The following ZNF385D variants were observed in gnomAD, a reference collection of about 807,000 sequenced individuals.
ZNF385D encodes the protein zinc finger protein 659.
A neutral mutation model predicts 35.8 loss-of-function variants in ZNF385D; 15 were observed. The ratio of observed to expected loss-of-function variants is 0.42; its 90% CI spans 0.28 to 0.64. The LOEUF (loss-of-function observed/expected upper bound fraction) is 0.64, where lower values mean the gene tolerates loss of function less well. Among genes scored for constraint, ZNF385D ranks in the 30% least tolerant of loss-of-function variants. ZNF385D has a pLI of 0.23. For synonymous variants in ZNF385D, 212 were observed against 186.8 expected (o/e 1.13, Z -1.10); for missense variants, 474 against 494.6 (o/e 0.96, Z 0.39).
At chr3:22,281,568 G>A (rs190202887) in intron 2 of ZNF385D, among the ~76,000 whole-genome samples, 24 of 152,094 alleles carry the variant, frequency 1.6e-4, no homozygotes, top group Admixed American at 1.1e-3. Flanking sequence ...AACCATCCCT[G>A]CGCATCCCTT....
At chr3:22,030,297 A>ATC (rs1697907549) in intron 3 of ZNF385D, among the ~76,000 whole-genome samples, 3 of 110,184 alleles carry the variant, frequency 2.7e-5, no homozygotes, top group Admixed American at 1.8e-4. Context: ...ATATATATAT[A>ATC]TATATCCTAT....
At chr3:21,640,661 C>T (rs1369420732) in intron 2 of ZNF385D, among the ~76,000 whole-genome samples, 1 of 152,098 alleles carries the variant, frequency 6.6e-6, no homozygotes, top group African/African-American at 2.4e-5. Flanking sequence ...AATCTGCTGG[C>T]ACCTTAACCT....
chr3:22,366,292 T>C (rs368429524), intron 2 of ZNF385D, among the ~76,000 whole-genome samples: 3 of 152,234 alleles, frequency 2.0e-5, no homozygotes, highest in African/African-American at 7.2e-5. Flanking sequence ...TCTAGGGTAA[T>C]GCTATTATTT....
At chr3:21,571,174 T>C (rs954507635) in intron 2 of ZNF385D, among the ~76,000 whole-genome samples, 2 of 152,080 alleles carry the variant, frequency 1.3e-5, no homozygotes, top group Non-Finnish European at 2.9e-5. Flanking sequence ...AAGTCAATTA[T>C]GAGATATCAC....
At chr3:21,658,231 A>G (rs1304908334) in intron 2 of ZNF385D, among the ~76,000 whole-genome samples, 1 of 152,040 alleles carries the variant, frequency 6.6e-6, no homozygotes, top group Non-Finnish European at 1.5e-5. Context: ...ACTATAAAGA[A>G]TTGATTTGTA....
chr3:21,546,736 C>T (rs1351749151), intron 3 of ZNF385D, among the ~76,000 whole-genome samples: 3 of 151,970 alleles, frequency 2.0e-5, no homozygotes, highest in Non-Finnish European at 4.4e-5. Context: ...ATAAAGGCCA[C>T]GTTAATATCC....
intron 2 of ZNF385D, among the ~76,000 whole-genome samples, chr3:22,370,038 C>G (rs913327925): frequency 6.6e-6 from 1 of 152,144 alleles, no homozygotes; most frequent in Non-Finnish European, 1.5e-5. Flanking sequence ...GAATTGCAAA[C>G]ATTTTCATTA....
chr3:21,750,656 C>T (rs923749216), intron 1 of ZNF385D, among the ~76,000 whole-genome samples: 100 of 151,656 alleles, frequency 6.6e-4, no homozygotes, highest in African/African-American at 2.2e-3. Flanking sequence ...CCCCCCGCCC[C>T]CTCCACATGT....
intron 2 of ZNF385D, among the ~76,000 whole-genome samples, chr3:22,287,646 C>T (rs1702093977): frequency 6.6e-6 from 1 of 151,882 alleles, no homozygotes; most frequent in Admixed American, 6.6e-5. Context: ...TTTTTCTACC[C>T]ATAACCCCCA....
chr3:21,593,290 T>G (rs2064035321), intron 2 of ZNF385D, among the ~76,000 whole-genome samples: 1 of 152,118 alleles, frequency 6.6e-6, no homozygotes, highest in Non-Finnish European at 1.5e-5. Flanking sequence ...TCTCCTAGCT[T>G]CAAGACTGCC....
chr3:21,868,497 T>C (rs1697504059), intron 3 of ZNF385D, among the ~76,000 whole-genome samples: 1 of 152,156 alleles, frequency 6.6e-6, no homozygotes, highest in South Asian at 2.1e-4. Flanking sequence ...AAAGCAGGCA[T>C]CTTCTTCACA....
intron 3 of ZNF385D, among the ~76,000 whole-genome samples, chr3:21,989,257 A>C (rs1373260289): frequency 6.6e-6 from 1 of 152,146 alleles, no homozygotes; most frequent in African/African-American, 2.4e-5. Context: ...AGCTCAACCA[A>C]CTTGTTTCTT....
At chr3:21,796,486 G>T (rs916806019) in intron 3 of ZNF385D, among the ~76,000 whole-genome samples, 3 of 152,230 alleles carry the variant, frequency 2.0e-5, no homozygotes, top group Non-Finnish European at 4.4e-5. Flanking sequence ...CAAAATTTGA[G>T]AATTATTTAA....
At chr3:21,710,602 T>C (rs1245586262) in intron 1 of ZNF385D, among the ~76,000 whole-genome samples, 1 of 152,206 alleles carries the variant, frequency 6.6e-6, no homozygotes, top group African/African-American at 2.4e-5. Context: ...TTCTCAGCTT[T>C]GATGCTCAGT....
At chr3:22,149,296 T>C (rs1705075547) in intron 3 of ZNF385D, among the ~76,000 whole-genome samples, 1 of 152,172 alleles carries the variant, frequency 6.6e-6, no homozygotes, top group East Asian at 1.9e-4. Flanking sequence ...TTGTAGCATT[T>C]AACAAGAACT....
intron 3 of ZNF385D, among the ~76,000 whole-genome samples, chr3:21,985,175 T>A (rs1470151984): frequency 2.2e-5 from 2 of 92,350 alleles, no homozygotes; most frequent in African/African-American, 8.8e-5. Flanking sequence ...TCCTGCCTGA[T>A]TGCCCTGGCC....
chr3:21,578,520 A>C (rs2125697784), intron 2 of ZNF385D, among the ~76,000 whole-genome samples: 1 of 152,144 alleles, frequency 6.6e-6, no homozygotes. Context: ...ATGGGGAGAG[A>C]TAGGGGGTCT....
At chr3:21,578,451 T>C (rs1043409845) in intron 2 of ZNF385D, among the ~76,000 whole-genome samples, 6 of 152,184 alleles carry the variant, frequency 3.9e-5, no homozygotes, top group South Asian at 2.1e-4. Context: ...AATAGAGTTA[T>C]AGTTTTGGGT....
chr3:21,681,698 G>GAAAAAAAAAAAAAAAAAA (rs5847124), intron 1 of ZNF385D, among the ~76,000 whole-genome samples: 2 of 133,204 alleles, frequency 1.5e-5, no homozygotes, highest in Non-Finnish European at 1.6e-5. Context: ...AAAAAAAAAC[G>GAAAAAAAAAAAAAAAAAA]AAAAAAAAAA....
Sources: gnomAD v4.1 joint callset for allele counts (sites outside exome capture counted in the v4.1 genomes callset) on GRCh38, gnomAD v4.1.1 for gene constraint, MANE v1.5 for transcripts, NCBI Gene and HGNC (gene_info 2026-07-23, HGNC 2026-07-21) for gene names.